Variants in NT5C2 observed in about 807,000 individuals in gnomAD.
NT5C2 encodes the protein cytosolic purine 5'-nucleotidase.
NT5C2 carries 58 observed loss-of-function variants against 76.1 expected under a neutral mutation model. The observed-to-expected ratio is 0.76, with a 90% CI of 0.62 to 0.95. The LOEUF is 0.95. Ranked by LOEUF, NT5C2 falls within the 40% of genes least tolerant of loss-of-function variation. NT5C2 has a pLI of 0.00. For missense variants in NT5C2, 478 were observed against 690.3 expected (o/e 0.69, Z 3.45); for synonymous variants, 229 against 237.4 (o/e 0.96, Z 0.32).
At chr10:103,125,180 G>T in intron 4 of NT5C2, 1 of 622,982 alleles carries the variant, frequency 1.6e-6, no homozygotes, top group Non-Finnish European at 2.9e-6. Flanking sequence ...ATCAAATCTG[G>T]GACTCATCCC....
At chr10:103,106,502 T>G in intron 5 of NT5C2, 87 bp downstream of exon 5, 3 of 833,382 alleles carry the variant, frequency 3.6e-6, no homozygotes, top group Non-Finnish European at 5.9e-6. Context: ...GGTTTTTTTG[T>G]TAAGGATAAA....
chr10:103,158,149 A>C (rs1030971456), intron 3 of NT5C2, among the ~76,000 whole-genome samples: 5 of 151,058 alleles, frequency 3.3e-5, no homozygotes, highest in Non-Finnish European at 7.4e-5. Context: ...AAATAATAGA[A>C]ATCACAAAGA....
intron 4 of NT5C2, among the ~76,000 whole-genome samples, chr10:103,130,907 G>C (rs1039615302): frequency 1.1e-4 from 16 of 152,104 alleles, no homozygotes; most frequent in Admixed American, 6.5e-4. Flanking sequence ...CAAAAACAGA[G>C]TTTCCTTATG....
intron 3 of NT5C2, 115 bp downstream of exon 3, chr10:103,174,743 T>C (rs999202339): frequency 1.3e-6 from 1 of 746,342 alleles, no homozygotes; most frequent in African/African-American, 1.7e-5. Flanking sequence ...TACCATGTAC[T>C]AGACATACGA....
At chr10:103,097,493 T>C in intron 10 of NT5C2, 119 bp from the exon 11 acceptor site, 1 of 777,484 alleles carries the variant, frequency 1.3e-6, no homozygotes, top group Non-Finnish European at 2.2e-6. Flanking sequence ...AAGGGTTAGC[T>C]GATTTCAGAA....
chr10:103,089,678 T>TTCC lies in NT5C2; in HGVS notation c.1677_1679dup (p.Glu560dup), dbSNP rs537259520. On this transcript the variant is annotated inframe_insertion, in exon 19 of 19. Coordinates refer to ENST00000404739, the MANE Select transcript of NT5C2 (RefSeq NM_001351169.2). ...GGGGTTTTGGTTTTCCTCCTTATTCTTCCTCCTCCTCCTCCTCTTCATCAT... is the reference window on the plus strand; with the variant it reads ...GGGGTTTTGGTTTTCCTCCTTATTCTTCCTCCTCCTCCTCCTCCTCTTCATCAT... The TTCC allele has an allele frequency of 5.3e-5, 82 of 1,560,012 alleles. No homozygotes were observed. Among genetic ancestry groups the TTCC allele is most frequent in the East Asian group, 1.1e-4 (5 of 44,030 alleles).
intron 2 of NT5C2, among the ~76,000 whole-genome samples, chr10:103,178,954 C>CTTTTTTTTTTTTTTTTTT (rs758982511): frequency 3.1e-5 from 4 of 128,482 alleles, no homozygotes; most frequent in Admixed American, 8.0e-5. Flanking sequence ...TTCTTTTTTT[C>CTTTTTTTTTTTTTTTTTT]TTTTTTTTTT....
chr10:103,130,783 ACAT>A (rs1251961187), intron 4 of NT5C2, among the ~76,000 whole-genome samples: 3 of 151,982 alleles, frequency 2.0e-5, no homozygotes, highest in African/African-American at 4.8e-5. Flanking sequence ...GATTCTCAAA[ACAT>A]CATTATTCAA....
At chr10:103,165,726 C>T (rs1459291466) in intron 3 of NT5C2, among the ~76,000 whole-genome samples, 4 of 151,344 alleles carry the variant, frequency 2.6e-5, no homozygotes, top group Non-Finnish European at 4.4e-5. Flanking sequence ...GGCTGTAGTG[C>T]AATGGTACAA....
At chr10:103,178,356 G>A (rs536133376) in intron 2 of NT5C2, among the ~76,000 whole-genome samples, 1 of 152,174 alleles carries the variant, frequency 6.6e-6, no homozygotes, top group African/African-American at 2.4e-5. Context: ...GAAAGCCTGG[G>A]CAACATGGCA....
At chr10:103,164,806 A>C (rs1418528236) in intron 3 of NT5C2, among the ~76,000 whole-genome samples, 4 of 152,238 alleles carry the variant, frequency 2.6e-5, no homozygotes, top group Non-Finnish European at 5.9e-5. Flanking sequence ...GTTTCTTCTT[A>C]TACTATTTCA....
intron 4 of NT5C2, among the ~76,000 whole-genome samples, chr10:103,126,730 C>A (rs545804270): frequency 6.6e-6 from 1 of 152,308 alleles, no homozygotes; most frequent in East Asian, 1.9e-4. Flanking sequence ...CATATATAAA[C>A]TCATCTGTAC....
At chr10:103,129,848 G>A (rs1394760603) in intron 4 of NT5C2, among the ~76,000 whole-genome samples, 1 of 83,244 alleles carries the variant, frequency 1.2e-5, no homozygotes, top group African/African-American at 5.4e-5. Flanking sequence ...GAGCCCCTCT[G>A]CCCGGCCAGC....
At position 103,089,075 on chromosome 10, in the gene NT5C2, C is replaced by G. The variant is rs975297960; in HGVS notation, c.*597G>C. 9.0e-6 allele frequency: 2 copies of G among 223,358 alleles called. No individual in the cohort carries two copies. The highest frequency in any genetic ancestry group is 4.5e-5 in the African/African-American group (2 of 44,840). The allele number at this position is 223,358 out of a possible 1,614,324, so 13.8% of individuals were successfully genotyped here. ...TTTTCCCTCAAAATAGAATCCTGCC[C>G]TAAAGCAACGCAAGTAGAGCATACT... On this transcript the variant is annotated 3_prime_UTR_variant, in exon 19 of 19. Coordinates refer to ENST00000404739, the MANE Select transcript of NT5C2 (RefSeq NM_001351169.2).
intron 3 of NT5C2, among the ~76,000 whole-genome samples, chr10:103,161,479 A>C (rs951035283): frequency 7.2e-5 from 11 of 152,188 alleles, no homozygotes; most frequent in Admixed American, 7.2e-4. Context: ...ACTGTGCCTG[A>C]CCAATAGAAT....
At chr10:103,127,437 T>G (rs1278644401) in intron 4 of NT5C2, among the ~76,000 whole-genome samples, 1 of 152,172 alleles carries the variant, frequency 6.6e-6, no homozygotes, top group Non-Finnish European at 1.5e-5. Flanking sequence ...GAATCTTCTC[T>G]GAAAAATATT....
intron 4 of NT5C2, among the ~76,000 whole-genome samples, chr10:103,109,104 G>A (rs965788886): frequency 2.0e-5 from 3 of 152,052 alleles, no homozygotes; most frequent in East Asian, 1.9e-4. Flanking sequence ...CCTGCCTCGG[G>A]CTCCCAAAGT....
chr10:103,092,995 A>C, intron 15 of NT5C2, 144 bp downstream of exon 15: 1 of 533,782 alleles, frequency 1.9e-6, no homozygotes, highest in African/African-American at 2.0e-5. Context: ...TGAATATTCT[A>C]TGGGAAGGAA....
At chr10:103,177,668 C>T (rs891926296) in intron 2 of NT5C2, among the ~76,000 whole-genome samples, 1 of 152,166 alleles carries the variant, frequency 6.6e-6, no homozygotes, top group Admixed American at 6.5e-5. Context: ...AATACAGGTA[C>T]TCACTACAAA....
Sources: gnomAD v4.1 joint callset for allele counts (sites outside exome capture counted in the v4.1 genomes callset) on GRCh38, gnomAD v4.1.1 for gene constraint, MANE v1.5 for transcripts, NCBI Gene and HGNC (gene_info 2026-07-23, HGNC 2026-07-21) for gene names.